The following GFM1 variants were observed in gnomAD, a reference collection of about 807,000 sequenced individuals.
GFM1 encodes elongation factor G, mitochondrial.
A neutral mutation model predicts 96.2 loss-of-function variants in GFM1; 62 were observed. The ratio of observed to expected loss-of-function variants is 0.64; its 90% CI spans 0.53 to 0.80. The LOEUF (loss-of-function observed/expected upper bound fraction) is 0.80, where lower values mean the gene tolerates loss of function less well. Among genes scored for constraint, GFM1 ranks in the 30% least tolerant of loss-of-function variants. The pLI, the probability that GFM1 is intolerant of heterozygous loss-of-function variation, is 0.00. For synonymous variants in GFM1, 282 were observed against 312.9 expected, an observed-to-expected ratio of 0.90 and a Z score of 1.04; for missense variants, 852 against 916.6, an observed-to-expected ratio of 0.93 and a Z score of 0.91.
chr3:158,688,457 G>A lies in GFM1; in HGVS notation c.1910-1706G>A, dbSNP rs376597656. Among the ~76,000 whole-genome samples, 8 of 152,238 alleles carry A rather than the reference G, an allele frequency of 5.3e-5. 1 individual carries two copies. Among genetic ancestry groups the A allele is most frequent in the East Asian group, 3.9e-4 (2 of 5,188 alleles). On this transcript the variant is annotated intron_variant, in intron 15 of 17. Transcript: ENST00000486715. ...AGGCTGTCCTCAGTAATTGAGTGAT[G>A]GACACCATATACTTGCCTCTTTCCT...
chr3:158,645,902 A>G (rs1721744387), intron 2 of GFM1, 121 bp downstream of exon 2: 2 of 997,820 alleles, frequency 2.0e-6, no homozygotes, highest in African/African-American at 3.2e-5. Flanking sequence ...GACTTTTGAC[A>G]GTTAGGCTTA....
intron 14 of GFM1, among the ~76,000 whole-genome samples, chr3:158,683,001 A>T (rs1199434632): frequency 1.3e-5 from 2 of 151,740 alleles, no homozygotes; most frequent in East Asian, 3.9e-4. Context: ...ACTGCCCTCC[A>T]GCCTGGGCGA....
chr3:158,646,650 A>C, intron 3 of GFM1, 93 bp from the exon 4 acceptor site: 1 of 1,052,240 alleles, frequency 9.5e-7, no homozygotes, highest in Middle Eastern at 2.9e-4. Flanking sequence ...TAGAAGACTT[A>C]TGTGATGAGC....
chr3:158,662,680 A>C lies in GFM1; in HGVS notation c.1376A>C (p.Asn459Thr). Reference protein sequence around the residue: ...PVISIAMKPSNKNDLEKFSKG... With the variant: ...PVISIAMKPSTKNDLEKFSKG... ...ATTTCAATAGCAATGAAGCCTTCTA[A>C]CAAGGTAGGAGTTTGATTTAAAGCT... The change falls in exon 11 of 18, where the codon AAC becomes ACC. Residue 459 changes from asparagine to threonine, a missense_variant. Physicochemically the swap from Asn to Thr is moderately conservative, Grantham distance 65. Coordinates refer to ENST00000486715, the MANE Select transcript of GFM1 (RefSeq NM_024996.7). The C allele has an allele frequency of 6.3e-7, 1 of 1,584,416 alleles. No homozygotes were observed. Among genetic ancestry groups the C allele is most frequent in the Non-Finnish European group, 8.7e-7 (1 of 1,153,362 alleles).
intron 13 of GFM1, among the ~76,000 whole-genome samples, chr3:158,678,696 T>TAAA (rs3037152): frequency 0.42 from 63,056 of 151,938 alleles, 14,210 homozygotes; most frequent in African/African-American, 0.6. Context: ...CAAACATTGT[T>TAAA]ATTACAACAA....
intron 13 of GFM1, chr3:158,666,909 A>T: frequency 1.3e-6 from 2 of 1,507,080 alleles, no homozygotes; most frequent in Non-Finnish European, 1.8e-6. Flanking sequence ...ATCTGGATTT[A>T]CATGAATTCT....
chr3:158,658,901 T>C (rs749249196), intron 8 of GFM1, 21 bp from the exon 9 acceptor site: 1 of 1,613,636 alleles, frequency 6.2e-7, no homozygotes, highest in African/African-American at 1.3e-5. Context: ...CTTCCTGCCC[T>C]TACCCAATCT....
At chr3:158,679,538 T>C (rs1725190063) in intron 13 of GFM1, among the ~76,000 whole-genome samples, 1 of 152,238 alleles carries the variant, frequency 6.6e-6, no homozygotes, top group South Asian at 2.1e-4. Flanking sequence ...CTTTTCTAGT[T>C]ATATTAGCCA....
chr3:158,653,410 T>C lies in GFM1; in HGVS notation c.941T>C (p.Leu314Ser). Residue 314 changes from leucine to serine, a missense_variant, in exon 7 of 18, where the codon TTA becomes TCA. Coordinates refer to ENST00000486715, the MANE Select transcript of GFM1 (RefSeq NM_024996.7). ...KGVQPLLDAV[L>S]EYLPNPSEVQ... ...GTTCAGCCTCTTTTAGATGCTGTTT[T>C]AGAATACCTCCCAAATCCATCTGAA... 2 of 1,613,410 alleles carry C rather than the reference T, an allele frequency of 1.2e-6. 1 individual carries two copies. Among genetic ancestry groups the C allele is most frequent in the South Asian group, 2.2e-5 (2 of 91,076 alleles).
At chr3:158,646,403 G>C in intron 3 of GFM1, 106 bp downstream of exon 3, 1 of 1,163,882 alleles carries the variant, frequency 8.6e-7, no homozygotes. Flanking sequence ...ACTCAAAAGT[G>C]TAACACTGAA....
intron 13 of GFM1, chr3:158,669,566 C>T (rs147857480): frequency 2.0e-5 from 33 of 1,613,826 alleles, no homozygotes; most frequent in African/African-American, 1.5e-4. Context: ...TTTCTTGTCC[C>T]GTTGAAGGGT....
intron 4 of GFM1, among the ~76,000 whole-genome samples, chr3:158,647,360 T>G (rs1721903521): frequency 6.6e-6 from 1 of 152,218 alleles, no homozygotes; most frequent in Non-Finnish European, 1.5e-5. Context: ...AGAGATGAGA[T>G]TTTCTTGTTT....
At position 158,661,884 on chromosome 3, in the gene GFM1, A is replaced by G. The variant is rs570039616; in HGVS notation, c.1324-744A>G. On this transcript the variant is annotated intron_variant, in intron 10 of 17. Transcript: ENST00000486715. ...AGTATCCTCTAATGTGTATATTATT[A>G]CCTGTTGATTTAAGACACTACAAAA... Among the ~76,000 whole-genome samples, 4 of 152,276 alleles carry G rather than the reference A, an allele frequency of 2.6e-5. No homozygotes were observed. In the South Asian group the frequency reaches 8.3e-4, roughly 32 times the overall value.
chr3:158,674,582 T>A (rs1228954357), intron 13 of GFM1, among the ~76,000 whole-genome samples: 1 of 152,124 alleles, frequency 6.6e-6, no homozygotes, highest in South Asian at 2.1e-4. Flanking sequence ...AATAAAAAAA[T>A]AAGACTTTCG....
At chr3:158,672,319 T>C (rs780894574) in intron 13 of GFM1, 11 of 1,611,336 alleles carry the variant, frequency 6.8e-6, no homozygotes, top group Non-Finnish European at 8.5e-6. Flanking sequence ...TCCTGAAGCC[T>C]CTGCTGTCCA....
Position 158,644,719 on chromosome 3 carries a change from C to G in GFM1, c.81+4C>G. 1.3e-6 allele frequency: 2 copies of G among 1,572,636 alleles called. No homozygotes were observed. The highest frequency in any genetic ancestry group is 2.7e-5 in the African/African-American group (2 of 74,504). ...CCTAGGCTGGCAGAGGAAGCAGGTA[C>G]CGGAGCATAGAGAGGCTAAATCGGG... On this transcript the variant is annotated splice_donor_region_variant and intron_variant, in intron 1 of 17. Coordinates refer to ENST00000486715, the MANE Select transcript of GFM1 (RefSeq NM_024996.7).
intron 7 of GFM1, among the ~76,000 whole-genome samples, 169 bp downstream of exon 7, chr3:158,653,636 A>G (rs921892115): frequency 6.6e-6 from 1 of 152,082 alleles, no homozygotes; most frequent in Non-Finnish European, 1.5e-5. Flanking sequence ...AATATTTATT[A>G]TACTAGTTCC....
chr3:158,645,116 G>C (rs1721657559), intron 1 of GFM1, among the ~76,000 whole-genome samples: 1 of 151,652 alleles, frequency 6.6e-6, no homozygotes, highest in Non-Finnish European at 1.5e-5. Flanking sequence ...CCAGAGTAAA[G>C]TTAAAACAAG....
At chr3:158,685,908 A>G (rs928037623) in intron 15 of GFM1, among the ~76,000 whole-genome samples, 19 of 152,126 alleles carry the variant, frequency 1.2e-4, no homozygotes, top group African/African-American at 4.6e-4. Context: ...ACTTTTTAGA[A>G]GTACAGTTAA....
Sources: allele counts gnomAD v4.1 joint callset (sites outside exome capture counted in the v4.1 genomes callset), GRCh38; gene constraint gnomAD v4.1.1; transcripts MANE v1.5; gene names NCBI Gene and HGNC (gene_info 2026-07-23, HGNC 2026-07-21).